Variants in UBASH3B observed in about 807,000 individuals in gnomAD.
UBASH3B encodes the protein ubiquitin associated and SH3 domain containing B.
In UBASH3B, 37 loss-of-function variants were observed where a neutral mutation model predicts 83.4. The ratio of observed to expected loss-of-function variants is 0.44; its 90% CI spans 0.34 to 0.58. The LOEUF is 0.58. Ranked by LOEUF, UBASH3B falls within the 20% of genes least tolerant of loss-of-function variation. The probability of loss-of-function intolerance (pLI) is 0.01; values close to 1 mark genes in which losing one functional copy is unlikely to be tolerated. For missense variants in UBASH3B, 657 were observed against 827.2 expected, an observed-to-expected ratio of 0.79 and a Z score of 2.52; for synonymous variants, 304 against 318.3, an observed-to-expected ratio of 0.96 and a Z score of 0.48.
intron 5 of UBASH3B, among the ~76,000 whole-genome samples, chr11:122,785,369 C>A (rs575107306): frequency 1.6e-3 from 246 of 152,282 alleles, no homozygotes; most frequent in African/African-American, 5.3e-3. Flanking sequence ...CTTCAACATG[C>A]CCCCAGGAGG....
chr11:122,670,179 ATG>A (rs34408096), intron 1 of UBASH3B, among the ~76,000 whole-genome samples: 26,106 of 149,144 alleles, frequency 0.18, 2,576 homozygotes, highest in African/African-American at 0.28. Flanking sequence ...CTGAGTGTGA[ATG>A]TGTGTGTGTG....
At chr11:122,748,227 G>A (rs1056192827) in intron 1 of UBASH3B, among the ~76,000 whole-genome samples, 1 of 152,230 alleles carries the variant, frequency 6.6e-6, no homozygotes, top group Non-Finnish European at 1.5e-5. Context: ...ACTTCAGACC[G>A]TCATTCTGCC....
chr11:122,755,402 A>G (rs1221583054), intron 1 of UBASH3B, among the ~76,000 whole-genome samples: 2 of 152,122 alleles, frequency 1.3e-5, no homozygotes, highest in Non-Finnish European at 2.9e-5. Context: ...CTTCTATCTT[A>G]TGGAAAGCGA....
At chr11:122,723,620 G>A (rs192224645) in intron 1 of UBASH3B, among the ~76,000 whole-genome samples, 19 of 152,284 alleles carry the variant, frequency 1.2e-4, no homozygotes, top group African/African-American at 4.6e-4. Flanking sequence ...AGTTATCTGG[G>A]CCCATCAGAC....
At chr11:122,702,698 T>C (rs1162716046) in intron 1 of UBASH3B, among the ~76,000 whole-genome samples, 2 of 152,082 alleles carry the variant, frequency 1.3e-5, no homozygotes, top group African/African-American at 2.4e-5. Flanking sequence ...CAAATTTTTG[T>C]ATTTTTAGTA....
At chr11:122,670,806 A>G (rs1863584480) in intron 1 of UBASH3B, among the ~76,000 whole-genome samples, 1 of 152,122 alleles carries the variant, frequency 6.6e-6, no homozygotes, top group African/African-American at 2.4e-5. Flanking sequence ...TCTGTTGCCC[A>G]GGCTGGAGTG....
chr11:122,711,350 T>C (rs1407713768), intron 1 of UBASH3B, among the ~76,000 whole-genome samples: 2 of 152,232 alleles, frequency 1.3e-5, no homozygotes, highest in East Asian at 3.8e-4. Flanking sequence ...TGCATCTCTT[T>C]CCTTCCATTT....
In UBASH3B at chr11:122,791,072, T is replaced by C. The variant is rs541514501; in HGVS notation, c.980+1764T>C. ...GATGTATAGGTGAACCTGAGTGACT[T>C]CGGTCAGTGCGTCCCAGGGAGGTCT... On this transcript the variant is annotated intron_variant, in intron 6 of 13. Coordinates refer to ENST00000284273, the MANE Select transcript of UBASH3B (RefSeq NM_032873.5). 8.5e-5 allele frequency among the ~76,000 whole-genome samples: 13 copies of C among 152,350 alleles called. No individual in the cohort carries two copies. In the East Asian group the frequency reaches 2.5e-3, roughly 29 times the overall value.
At chr11:122,800,710 G>C (rs1174041834) in intron 10 of UBASH3B, among the ~76,000 whole-genome samples, 2 of 152,018 alleles carry the variant, frequency 1.3e-5, no homozygotes, top group Non-Finnish European at 2.9e-5. Context: ...CTGGGTTCAA[G>C]TGATTCTCCT....
At position 122,811,712 on chromosome 11, in the gene UBASH3B, G is replaced by A. The variant is rs539347035; in HGVS notation, c.*1826G>A. The A allele has an allele frequency of 8.5e-5, 13 of 152,154 alleles. No individual in the cohort carries two copies. The highest frequency in any genetic ancestry group is 2.1e-4 in the South Asian group (1 of 4,812). The allele number at this position is 152,154 out of a possible 1,614,324, so 9.4% of individuals were successfully genotyped here. On this transcript the variant is annotated 3_prime_UTR_variant, in exon 14 of 14. Transcript: ENST00000284273. Reference sequence around the variant, plus strand: ...CAAATCAATCATGGTTTCTTCTAGCGTTGCGCAAACACTGACCCAGCTTCT... The same window carrying A: ...CAAATCAATCATGGTTTCTTCTAGCATTGCGCAAACACTGACCCAGCTTCT...
chr11:122,792,706 G>A (rs181418612), intron 6 of UBASH3B, among the ~76,000 whole-genome samples: 7 of 152,226 alleles, frequency 4.6e-5, no homozygotes, highest in Admixed American at 3.9e-4. Context: ...CTGTGTGAAC[G>A]GCACAAGATT....
intron 1 of UBASH3B, among the ~76,000 whole-genome samples, chr11:122,713,374 C>T (rs536717583): frequency 3.3e-5 from 5 of 152,078 alleles, no homozygotes; most frequent in East Asian, 1.9e-4. Flanking sequence ...CGGCATCAGA[C>T]GAATGCATGT....
chr11:122,785,178 G>A lies in UBASH3B; in HGVS notation c.771+1956G>A, dbSNP rs1035372378. On this transcript the variant is annotated intron_variant, in intron 5 of 13. Coordinates refer to ENST00000284273, the MANE Select transcript of UBASH3B (RefSeq NM_032873.5). ...GCATGGAAGGAAAAAGGCAGCAAGC[G>A]CCCACGGGAATTATTTTCTAAAAAT... is the stretch of plus-strand genomic sequence containing the variant. Among the ~76,000 whole-genome samples the A allele has an allele frequency of 5.3e-5, 8 of 152,170 alleles. No individual in the cohort carries two copies. The East Asian group carries it at 1.5e-3, about 29-fold the overall frequency.
In UBASH3B at chr11:122,758,509, T is replaced by G. The variant is rs546328873; in HGVS notation, c.162-17710T>G. Among the ~76,000 whole-genome samples the G allele has an allele frequency of 1.3e-5, 2 of 152,214 alleles. No homozygotes were observed. Among genetic ancestry groups the G allele is most frequent in the South Asian group, 4.2e-4 (2 of 4,818 alleles). On this transcript the variant is annotated intron_variant, in intron 1 of 13. Transcript: ENST00000284273. The surrounding 1 kb of genome is among the most constrained non-coding windows in gnomAD (Gnocchi z 4.2). ...GAGTCGGGACAGCTGGAAAGGGCAG[T>G]CAGTGGTGGGGGCGGAGGGGGCACC...
intron 1 of UBASH3B, among the ~76,000 whole-genome samples, chr11:122,764,993 G>A (rs1400061348): frequency 1.3e-5 from 2 of 151,048 alleles, no homozygotes; most frequent in Non-Finnish European, 2.9e-5. Flanking sequence ...AAGCCTAGAA[G>A]CAAGTCAGTT....
intron 5 of UBASH3B, among the ~76,000 whole-genome samples, chr11:122,784,851 C>T (rs776375221): frequency 2.6e-5 from 4 of 152,086 alleles, no homozygotes; most frequent in African/African-American, 4.8e-5. Flanking sequence ...TCATTTGATG[C>T]AGGTTTCTGT....
chr11:122,683,825 C>T (rs1863776680), intron 1 of UBASH3B, among the ~76,000 whole-genome samples: 1 of 150,782 alleles, frequency 6.6e-6, no homozygotes. Context: ...GGTTGTGTCT[C>T]TTAGTGTAGT....
At chr11:122,790,338 C>G (rs1422376566) in intron 6 of UBASH3B, among the ~76,000 whole-genome samples, 2 of 152,114 alleles carry the variant, frequency 1.3e-5, no homozygotes, top group Non-Finnish European at 2.9e-5. Flanking sequence ...AGCAATCCCT[C>G]CCCCTCTCCC....
At chr11:122,716,705 G>C (rs945544848) in intron 1 of UBASH3B, among the ~76,000 whole-genome samples, 1 of 152,178 alleles carries the variant, frequency 6.6e-6, no homozygotes, top group Non-Finnish European at 1.5e-5. Flanking sequence ...TTCTCCACCT[G>C]AAGGCAGGTA....
Sources: allele counts gnomAD v4.1 joint callset (sites outside exome capture counted in the v4.1 genomes callset), GRCh38; gene constraint gnomAD v4.1.1; non-coding constraint Gnocchi (gnomAD v3.1); transcripts MANE v1.5; gene names NCBI Gene and HGNC (gene_info 2026-07-23, HGNC 2026-07-21).